The following MRPS15 variants were observed in gnomAD, a reference collection of about 807,000 sequenced individuals.
MRPS15 encodes the protein small ribosomal subunit protein uS15m.
In MRPS15, 25 loss-of-function variants were observed where a neutral mutation model predicts 30.7. The ratio of observed to expected loss-of-function variants is 0.81; its 90% CI spans 0.59 to 1.14. The LOEUF is 1.14. MRPS15 is among the 50% of genes most tolerant of loss of function. The pLI is 0.00. For missense variants in MRPS15, 313 were observed against 321.7 expected, an observed-to-expected ratio of 0.97 and a Z score of 0.21; for synonymous variants, 124 against 120.1, an observed-to-expected ratio of 1.03 and a Z score of -0.21.
chr1:36,460,789 GAGAC>G lies in MRPS15; in HGVS notation c.301-17_301-14del. On this transcript the variant is annotated splice_polypyrimidine_tract_variant and intron_variant, in intron 4 of 7. Transcript: ENST00000373116. Reference sequence around the variant, plus strand: ...TTAGCATCTCCTTCTGTTGAAGACAGAGACAGAGAAAATCTGTGGAGTCTGCCAC... The same window carrying G: ...TTAGCATCTCCTTCTGTTGAAGACAGAGAGAAAATCTGTGGAGTCTGCCAC... 1 of 1,611,156 alleles carries G rather than the reference GAGAC, an allele frequency of 6.2e-7. No individual in the cohort carries two copies. The highest frequency in any genetic ancestry group is 8.5e-7 in the Non-Finnish European group (1 of 1,177,410).
chr1:36,456,556 G>A (rs1174829527), intron 6 of MRPS15, 178 bp from the exon 7 acceptor site: 2 of 631,728 alleles, frequency 3.2e-6, no homozygotes, highest in Non-Finnish European at 5.2e-6. Context: ...GAAAACAAAG[G>A]TTTAAAGATG....
intron 1 of MRPS15, 71 bp downstream of exon 1, chr1:36,464,075 T>TTCCTTCTCCCCTACTCCTGA: frequency 6.3e-7 from 1 of 1,581,148 alleles, no homozygotes; most frequent in Non-Finnish European, 8.6e-7. Flanking sequence ...CCTACTCCTG[T>TTCCTTCTCCCCTACTCCTGA]GCTTCCTTAT....
intron 1 of MRPS15, 87 bp downstream of exon 1, chr1:36,464,059 A>ATCTCCCCTAATCCTGTGCTTCCT: frequency 6.5e-7 from 1 of 1,544,548 alleles, no homozygotes; most frequent in Admixed American, 1.9e-5. Context: ...ACCGCTGTAT[A>ATCTCCCCTAATCCTGTGCTTCCT]TCTCCCCTAC....
In MRPS15 at chr1:36,458,020, GAGGA is replaced by G. The variant is rs1171090433; in HGVS notation, c.386-43_386-40del. 1.3e-6 allele frequency: 2 copies of G among 1,579,888 alleles called. No homozygotes were observed. The highest frequency in any genetic ancestry group is 1.7e-6 in the Non-Finnish European group (2 of 1,148,732). ...CCACAGAGGATGAGAGTTGGGCACA[GAGGA>G]AGGAAGGGCCCAGGCCTGGTTTACG... is the stretch of plus-strand genomic sequence containing the variant. On this transcript the variant is annotated intron_variant, in intron 5 of 7. Coordinates refer to ENST00000373116, the MANE Select transcript of MRPS15 (RefSeq NM_031280.4). The surrounding 1 kb of genome is among the most constrained non-coding windows in gnomAD (Gnocchi z 4.5).
chr1:36,457,483 CTT>C (rs758670184), intron 6 of MRPS15, among the ~76,000 whole-genome samples: 23 of 152,256 alleles, frequency 1.5e-4, no homozygotes, highest in Admixed American at 9.8e-4. Flanking sequence ...GGCCTAAAGA[CTT>C]TATATGCATC....
At chr1:36,463,266 C>T (rs1394990135) in intron 2 of MRPS15, among the ~76,000 whole-genome samples, 1 of 152,204 alleles carries the variant, frequency 6.6e-6, no homozygotes, top group Non-Finnish European at 1.5e-5. Flanking sequence ...CGCGTCCGGC[C>T]CCAGATAATA....
At position 36,464,302 on chromosome 1, in the gene MRPS15, G is replaced by A. The variant is rs1290803860; in HGVS notation, c.-27C>T. ...GTGACCTCTAACCCCCGCGGGGCCC[G>A]CGCCGCGGCCGCCGTTCGCTTTGCG... is the stretch of plus-strand genomic sequence containing the variant. On this transcript the variant is annotated 5_prime_UTR_variant, in exon 1 of 8. Transcript: ENST00000373116. 1.9e-6 allele frequency: 3 copies of A among 1,592,632 alleles called. No homozygotes were observed. Among genetic ancestry groups the A allele is most frequent in the Non-Finnish European group, 1.7e-6 (2 of 1,169,960 alleles).
At position 36,456,279 on chromosome 1, in the gene MRPS15, A is replaced by G. The variant is rs1180461774; in HGVS notation, c.544T>C (p.Cys182Arg). 1 of 1,614,076 alleles carries G rather than the reference A, an allele frequency of 6.2e-7. No homozygotes were observed. Among genetic ancestry groups the G allele is most frequent in the African/African-American group, 1.3e-5 (1 of 74,936 alleles). Residue 182 changes from cysteine to arginine, a missense_variant, in exon 7 of 8, where the codon TGC becomes CGC. Physicochemically the swap from Cys to Arg is radical, Grantham distance 180. Coordinates refer to ENST00000373116, the MANE Select transcript of MRPS15 (RefSeq NM_031280.4). ...GTGTACTCAATTCCCAGCCCCCAGCATATCTTCTCAAAGACATCATAGTTG... is the reference window on the plus strand; with the variant it reads ...GTGTACTCAATTCCCAGCCCCCAGCGTATCTTCTCAAAGACATCATAGTTG... ...NTNYDVFEKI[C>R]WGLGIEYTFP... is the part of the protein sequence containing the mutation.
chr1:36,459,393 CCGGTCTCA>C lies in MRPS15; in HGVS notation c.385+1291_385+1298del, dbSNP rs1173222692. On this transcript the variant is annotated intron_variant, in intron 5 of 7. Coordinates refer to ENST00000373116, the MANE Select transcript of MRPS15 (RefSeq NM_031280.4). ...TCCAGCCTGAGTGACAGAGTGAGATCCGGTCTCAAAAAAAAAAAAAAAAAAAAAGAATC... is the reference window on the plus strand; with the variant it reads ...TCCAGCCTGAGTGACAGAGTGAGATCAAAAAAAAAAAAAAAAAAAAGAATC... 7.3e-3 allele frequency: 953 copies of C among 131,108 alleles called. 6 individuals are homozygous for C. The highest frequency in any genetic ancestry group is 0.029 in the African/African-American group (910 of 31,132). The allele number at this position is 131,108 out of a possible 1,614,324, so 8.1% of individuals were successfully genotyped here. A position where few individuals can be genotyped will look rare whatever the true frequency, so the allele number is the denominator to read the frequency against.
chr1:36,458,093 C>G lies in MRPS15; in HGVS notation c.386-112G>C. 1 of 849,380 alleles carries G rather than the reference C, an allele frequency of 1.2e-6. No individual in the cohort carries two copies. 52.6% of individuals were successfully genotyped at this position (849,380 alleles called of 1,614,324 possible). The stretch of plus-strand genomic sequence containing the variant: ...TAACAATCACCAATGCTCTGTACAG[C>G]TCTCTATAAATCCCAAATCACTCTG... On this transcript the variant is annotated intron_variant, in intron 5 of 7. Transcript: ENST00000373116. This position sits in a 1 kb window ranked among gnomAD's most constrained non-coding sequence, Gnocchi z 4.5.
intron 5 of MRPS15, 46 bp downstream of exon 5, chr1:36,460,646 T>G (rs377332303): frequency 4.9e-6 from 7 of 1,433,672 alleles, no homozygotes; most frequent in Non-Finnish European, 6.9e-6. Flanking sequence ...AGGTCCCAGC[T>G]AGCAGGCTTC....
intron 2 of MRPS15, among the ~76,000 whole-genome samples, chr1:36,463,241 A>T (rs1490139452): frequency 1.3e-5 from 2 of 152,266 alleles, no homozygotes; most frequent in African/African-American, 4.8e-5. Context: ...TGTTGGGATT[A>T]CAGGCGTAAG....
chr1:36,463,365 C>T (rs983098582), intron 2 of MRPS15, among the ~76,000 whole-genome samples: 3 of 152,212 alleles, frequency 2.0e-5, no homozygotes, highest in African/African-American at 7.2e-5. Context: ...ACAATCCTTG[C>T]AAATGGATAC....
Position 36,458,904 on chromosome 1 carries a change from A to T in MRPS15, c.386-923T>A, listed in dbSNP as rs1036844368. On this transcript the variant is annotated intron_variant, in intron 5 of 7. Coordinates refer to ENST00000373116, the MANE Select transcript of MRPS15 (RefSeq NM_031280.4). This position sits in a 1 kb window ranked among gnomAD's most constrained non-coding sequence, Gnocchi z 4.5. ...CACGACAGCAGGCCCTTCCCAGTACATACTGAGTTCTGGGAGCACTGCAGA... is the reference window on the plus strand; with the variant it reads ...CACGACAGCAGGCCCTTCCCAGTACTTACTGAGTTCTGGGAGCACTGCAGA... 4.6e-5 allele frequency: 7 copies of T among 152,272 alleles called. No individual in the cohort carries two copies. Among genetic ancestry groups the T allele is most frequent in the African/African-American group, 1.4e-4 (6 of 41,466 alleles). 9.4% of individuals were successfully genotyped at this position (152,272 alleles called of 1,614,324 possible). A position where few individuals can be genotyped will look rare whatever the true frequency, so the allele number is the denominator to read the frequency against.
Position 36,458,615 on chromosome 1 carries a change from T to A in MRPS15, c.386-634A>T, listed in dbSNP as rs1248672688. On this transcript the variant is annotated intron_variant, in intron 5 of 7. Coordinates refer to ENST00000373116, the MANE Select transcript of MRPS15 (RefSeq NM_031280.4). This position sits in a 1 kb window ranked among gnomAD's most constrained non-coding sequence, Gnocchi z 4.5. ...TGCTATCATGGTTAACAATTCAACA[T>A]TGTATTAGAGGTCCAAGCCAATGCA... The A allele has an allele frequency of 6.6e-6, 1 of 152,472 alleles. No homozygotes were observed. Among genetic ancestry groups the A allele is most frequent in the African/African-American group, 2.4e-5 (1 of 41,572 alleles). The allele number at this position is 152,472 out of a possible 1,614,324, so 9.4% of individuals were successfully genotyped here.
chr1:36,462,212 G>T, intron 2 of MRPS15, 49 bp from the exon 3 acceptor site: 3 of 1,440,936 alleles, frequency 2.1e-6, no homozygotes, highest in Non-Finnish European at 2.9e-6. Context: ...AACTCTCGCT[G>T]CCCACCCTCC....
rs35544556 is a variant in MRPS15, at chr1:36,455,807, G to A, written c.755C>T (p.Thr252Ile). The change falls in exon 8 of 8, where the codon ACA becomes ATA. Residue 252 changes from threonine to isoleucine, a missense_variant. Thr to Ile is a moderately conservative substitution (Grantham distance 89, BLOSUM62 -1). Transcript: ENST00000373116. ...PDSPAKAIPK[T>I]LKDSQ ...CAGAATTTATTGGCTGTCTTTGAGT[G>A]TCTTTGGTATGGCTTTGGCAGGGCT... 8.9e-3 allele frequency: 14,428 copies of A among 1,614,092 alleles called. 101 individuals are homozygous for A. The highest frequency in any genetic ancestry group is 0.011 in the Non-Finnish European group (12,415 of 1,179,974).
intron 6 of MRPS15, 131 bp from the exon 7 acceptor site, chr1:36,456,509 G>A: frequency 2.3e-6 from 2 of 857,516 alleles, no homozygotes; most frequent in Non-Finnish European, 3.4e-6. Flanking sequence ...CAATTCTGAA[G>A]GAGGTATTAT....
chr1:36,459,192 G>A (rs775982484), intron 5 of MRPS15: 9 of 152,182 alleles, frequency 5.9e-5, no homozygotes, highest in Non-Finnish European at 1.2e-4. Flanking sequence ...TCAGGAGTTC[G>A]AGATCAGCCT....
Sources: allele counts gnomAD v4.1 joint callset (sites outside exome capture counted in the v4.1 genomes callset), GRCh38; gene constraint gnomAD v4.1.1; non-coding constraint Gnocchi (gnomAD v3.1); transcripts MANE v1.5; gene names NCBI Gene and HGNC (gene_info 2026-07-23, HGNC 2026-07-21).